APPL2: variants seen among roughly 807,000 people sequenced by gnomAD.
APPL2 encodes the protein adaptor protein, phosphotyrosine interacting with PH domain and leucine zipper 2.
Under a neutral mutation model 92.7 loss-of-function variants are expected in APPL2, and 84 were observed. That is an observed-to-expected ratio of 0.91 (90% CI 0.76 to 1.09). The LOEUF (loss-of-function observed/expected upper bound fraction) is 1.09, where lower values mean the gene tolerates loss of function less well. Ranked by LOEUF, APPL2 falls within the 50% of genes least tolerant of loss-of-function variation. APPL2 has a pLI of 0.00. For synonymous variants in APPL2, 291 were observed against 291.0 expected (o/e 1.00, Z 0.00); for missense variants, 736 against 824.5 (o/e 0.89, Z 1.31).
intron 20 of APPL2, among the ~76,000 whole-genome samples, chr12:105,175,820 G>A (rs1425042568): frequency 6.6e-6 from 1 of 152,094 alleles, no homozygotes; most frequent in Non-Finnish European, 1.5e-5. Context: ...CAGATAAGCA[G>A]GAGCTCCAGC....
At chr12:105,181,507 A>G (rs933067767) in intron 17 of APPL2, among the ~76,000 whole-genome samples, 5 of 151,892 alleles carry the variant, frequency 3.3e-5, no homozygotes, top group Admixed American at 6.6e-5. Context: ...CTCTTTTTCT[A>G]TTGTTTGGAA....
In APPL2 at chr12:105,195,754, A is replaced by G. The variant is rs566876522; in HGVS notation, c.1053-127T>C. 2.6e-5 allele frequency: 27 copies of G among 1,052,558 alleles called. No individual in the cohort carries two copies. In the African/African-American group the frequency reaches 4.1e-4, roughly 16 times the overall value. The allele number at this position is 1,052,558 out of a possible 1,614,324, so 65.2% of individuals were successfully genotyped here. On this transcript the variant is annotated intron_variant, in intron 11 of 20. Coordinates refer to ENST00000258530, the MANE Select transcript of APPL2 (RefSeq NM_018171.5). The stretch of plus-strand genomic sequence containing the variant: ...CCATGAAGGCAGCATGATGAGAGGG[A>G]AAGAAAATGGGGTTCCAGGGCCAGG...
At chr12:105,185,740 C>T (rs1176238826) in intron 17 of APPL2, among the ~76,000 whole-genome samples, 1 of 152,072 alleles carries the variant, frequency 6.6e-6, no homozygotes, top group African/African-American at 2.4e-5. Context: ...TTCTAATTTT[C>T]TGTGTGACCT....
intron 1 of APPL2, among the ~76,000 whole-genome samples, chr12:105,231,285 GA>G (rs11309877): frequency 0.2 from 29,787 of 152,170 alleles, 3,117 homozygotes; most frequent in East Asian, 0.35. Flanking sequence ...CAGACTGGAA[GA>G]AAAGAGGTAA....
chr12:105,228,239 T>C (rs1460772377), intron 2 of APPL2, among the ~76,000 whole-genome samples: 1 of 152,226 alleles, frequency 6.6e-6, no homozygotes, highest in Admixed American at 6.5e-5. Flanking sequence ...GGATTTAGGA[T>C]TTTTTCAGAT....
At chr12:105,210,357 T>G (rs1889114948) in intron 5 of APPL2, among the ~76,000 whole-genome samples, 1 of 152,112 alleles carries the variant, frequency 6.6e-6, no homozygotes, top group Non-Finnish European at 1.5e-5. Context: ...TTTTAAAGAG[T>G]AAGTAATATA....
chr12:105,207,852 C>T (rs1259696423), intron 7 of APPL2, 119 bp downstream of exon 7: 2 of 834,130 alleles, frequency 2.4e-6, no homozygotes, highest in Admixed American at 5.0e-5. Flanking sequence ...TTTTAAAAGT[C>T]CATGTATAGT....
chr12:105,174,885 G>GGGGGGT (rs951706174), intron 20 of APPL2, among the ~76,000 whole-genome samples: 1 of 142,588 alleles, frequency 7.0e-6, no homozygotes, highest in South Asian at 2.5e-4. Flanking sequence ...GTGGGGGGGG[G>GGGGGGT]GGTGGTGCGG....
chr12:105,189,482 C>T (rs952754299), intron 16 of APPL2, among the ~76,000 whole-genome samples: 1 of 152,158 alleles, frequency 6.6e-6, no homozygotes. Context: ...TCCAGTTCAC[C>T]AAGACTGCAT....
At chr12:105,192,148 C>T (rs1454313559) in intron 14 of APPL2, among the ~76,000 whole-genome samples, 1 of 152,180 alleles carries the variant, frequency 6.6e-6, no homozygotes, top group Admixed American at 6.5e-5. Flanking sequence ...TGAAGTCATC[C>T]TTTGATCTGT....
At chr12:105,176,113 A>C in intron 19 of APPL2, 31 bp from the exon 20 acceptor site, 1 of 1,568,820 alleles carries the variant, frequency 6.4e-7, no homozygotes, top group Non-Finnish European at 8.7e-7. Context: ...AGTGATTGGC[A>C]AAAGTAGAGA....
intron 17 of APPL2, among the ~76,000 whole-genome samples, chr12:105,183,891 C>T (rs1300612363): frequency 1.3e-5 from 2 of 152,200 alleles, no homozygotes; most frequent in African/African-American, 4.8e-5. Flanking sequence ...CTTTCAGGTA[C>T]ACCAATCAAA....
chr12:105,212,956 A>G (rs938887308), intron 4 of APPL2, among the ~76,000 whole-genome samples: 4 of 152,244 alleles, frequency 2.6e-5, no homozygotes, highest in Non-Finnish European at 2.9e-5. Flanking sequence ...AGGGTAACAC[A>G]GGAAGACAGC....
At chr12:105,203,575 C>T in intron 9 of APPL2, 128 bp downstream of exon 9, 1 of 775,086 alleles carries the variant, frequency 1.3e-6, no homozygotes, top group Non-Finnish European at 2.2e-6. Flanking sequence ...TGTTAGCGAG[C>T]ATTTCTGGGG....
intron 14 of APPL2, among the ~76,000 whole-genome samples, chr12:105,193,797 C>T (rs1303235009): frequency 6.6e-6 from 1 of 152,168 alleles, no homozygotes; most frequent in African/African-American, 2.4e-5. Context: ...CTGGGTCTTG[C>T]ACTCTCCCCT....
intron 1 of APPL2, among the ~76,000 whole-genome samples, chr12:105,232,671 G>A (rs1315818216): frequency 2.0e-5 from 3 of 151,706 alleles, no homozygotes; most frequent in African/African-American, 7.3e-5. Flanking sequence ...GGCTGAGGTG[G>A]GAGGATCGCT....
chr12:105,182,537 T>C lies in APPL2; in HGVS notation c.1635-5275A>G, dbSNP rs559288071. Among the ~76,000 whole-genome samples, 7 of 152,352 alleles carry C rather than the reference T, an allele frequency of 4.6e-5. No individual in the cohort carries two copies. In the South Asian group the frequency reaches 1.4e-3, roughly 32 times the overall value. On this transcript the variant is annotated intron_variant, in intron 17 of 20. Coordinates refer to ENST00000258530, the MANE Select transcript of APPL2 (RefSeq NM_018171.5). ...TACCCAGCAGTCATTCAGGAACAGG[T>C]TGTTCAGTTTCCATGTAGTTGTGCA... is the stretch of plus-strand genomic sequence containing the variant.
rs138790470 is a variant in APPL2 at position 105,174,338 on chromosome 12, A to G, written c.1971T>C (p.His657=). 51 of 1,613,722 alleles carry G rather than the reference A, an allele frequency of 3.2e-5. No homozygotes were observed. The highest frequency in any genetic ancestry group is 1.7e-4 in the Middle Eastern group (1 of 6,060). The change falls in exon 21 of 21, where the codon CAT becomes CAC. Residue 657 remains histidine (H), a synonymous_variant. Coordinates refer to ENST00000258530, the MANE Select transcript of APPL2 (RefSeq NM_018171.5). The part of the protein sequence containing the change: ...PDDDDGNPNE[H]RGAESEA ...GTTATGCTTCGGATTCTGCGCCTCTATGTTCGTTTGGATTTCCATCATCGT... is the reference window on the plus strand; with the variant it reads ...GTTATGCTTCGGATTCTGCGCCTCTGTGTTCGTTTGGATTTCCATCATCGT...
chr12:105,201,145 G>C (rs1055811552), intron 9 of APPL2, among the ~76,000 whole-genome samples: 1 of 152,192 alleles, frequency 6.6e-6, no homozygotes, highest in Non-Finnish European at 1.5e-5. Flanking sequence ...CTGGCCTCAA[G>C]TGACCCACCC....
Sources: gnomAD v4.1 joint callset for allele counts (sites outside exome capture counted in the v4.1 genomes callset) on GRCh38, gnomAD v4.1.1 for gene constraint, MANE v1.5 for transcripts, NCBI Gene and HGNC (gene_info 2026-07-23, HGNC 2026-07-21) for gene names.